Variants in CFAP44 observed in about 807,000 individuals in gnomAD.
CFAP44 encodes cilia- and flagella-associated protein 44.
Under a neutral mutation model 216.2 loss-of-function variants are expected in CFAP44, and 134 were observed. The observed-to-expected ratio is 0.62, with a 90% CI of 0.54 to 0.72. The LOEUF (loss-of-function observed/expected upper bound fraction) is 0.72, where lower values mean the gene tolerates loss of function less well. Among genes scored for constraint, CFAP44 ranks in the 30% least tolerant of loss-of-function variants. The pLI is 0.00. For synonymous variants in CFAP44, 700 were observed against 727.6 expected (o/e 0.96, Z 0.61); for missense variants, 2,035 against 2,182.1 (o/e 0.93, Z 1.34).
intron 28 of CFAP44, among the ~76,000 whole-genome samples, chr3:113,326,126 A>T (rs1435272580): frequency 1.3e-5 from 2 of 152,252 alleles, no homozygotes; most frequent in Non-Finnish European, 2.9e-5. Context: ...GGGCAAAAGG[A>T]GACATTTCAC....
rs984247162 is a variant in CFAP44 at position 113,365,960 on chromosome 3, A to G, written c.2715+79T>C. The G allele has an allele frequency of 6.2e-6, 9 of 1,457,448 alleles. No individual in the cohort carries two copies. The South Asian group carries it at 9.9e-5, about 16-fold the overall frequency. 90.3% of individuals were successfully genotyped at this position (1,457,448 alleles called of 1,614,324 possible). Reference sequence around the variant, plus strand: ...AATGTGTCTAAATAACTTTTAATTTATAACGAATATGAACAATTTTAATAT... The same window carrying G: ...AATGTGTCTAAATAACTTTTAATTTGTAACGAATATGAACAATTTTAATAT... On this transcript the variant is annotated intron_variant, in intron 19 of 34. Coordinates refer to ENST00000393845, the MANE Select transcript of CFAP44 (RefSeq NM_001164496.2).
At chr3:113,380,871 AAG>A (rs754977408) in intron 16 of CFAP44, 26 bp downstream of exon 16, 63 of 1,499,420 alleles carry the variant, frequency 4.2e-5, no homozygotes, top group Non-Finnish European at 4.9e-5. Flanking sequence ...AAATTATTAT[AAG>A]ATAATGCTTC....
At chr3:113,410,857 G>T (rs925746124) in intron 6 of CFAP44, among the ~76,000 whole-genome samples, 1 of 152,156 alleles carries the variant, frequency 6.6e-6, no homozygotes, top group African/African-American at 2.4e-5. Context: ...GTGTGAGATG[G>T]TATCTCATTG....
chr3:113,384,328 G>A (rs1933592716), intron 15 of CFAP44, among the ~76,000 whole-genome samples: 1 of 151,964 alleles, frequency 6.6e-6, no homozygotes, highest in African/African-American at 2.4e-5. Context: ...CAAAGTGCTG[G>A]GATTACAGGT....
chr3:113,353,498 A>ACACACAC (rs59723453), intron 22 of CFAP44, among the ~76,000 whole-genome samples: 1 of 145,336 alleles, frequency 6.9e-6, no homozygotes, highest in African/African-American at 2.6e-5. Flanking sequence ...ACACACACAC[A>ACACACAC]AAACTTATAT....
chr3:113,370,318 A>G (rs7640376), intron 18 of CFAP44, among the ~76,000 whole-genome samples: 12,620 of 152,188 alleles, frequency 0.083, 638 homozygotes, highest in East Asian at 0.15. Flanking sequence ...GAACATAGAC[A>G]CAAAAATCTT....
intron 19 of CFAP44, among the ~76,000 whole-genome samples, chr3:113,364,645 G>A (rs1341743153): frequency 1.3e-5 from 2 of 152,140 alleles, no homozygotes; most frequent in African/African-American, 2.4e-5. Context: ...CCTGGTCACA[G>A]TTGTTTCCAA....
chr3:113,339,091 T>C (rs1950307715), intron 24 of CFAP44, among the ~76,000 whole-genome samples: 1 of 152,202 alleles, frequency 6.6e-6, no homozygotes, highest in South Asian at 2.1e-4. Context: ...AGACCATCTG[T>C]CCTCACATCC....
chr3:113,320,528 TTATATATGTATATATATAATGAAGTTA>T lies in CFAP44; in HGVS notation c.4516+5890_4516+5916del, dbSNP rs1346544620. ...TCTAGATATACAGTACTTAATGAAGTTATATATGTATATATATAATGAAGTTATATATATGTATATATAATGAAGTTA... is the reference window on the plus strand; with the variant it reads ...TCTAGATATACAGTACTTAATGAAGTTATATATGTATATATAATGAAGTTA... On this transcript the variant is annotated intron_variant, in intron 28 of 34. Coordinates refer to ENST00000393845, the MANE Select transcript of CFAP44 (RefSeq NM_001164496.2). Among the ~76,000 whole-genome samples the T allele has an allele frequency of 5.2e-5, 7 of 134,912 alleles. No individual in the cohort carries two copies. In the East Asian group the frequency reaches 1.0e-3, roughly 20 times the overall value. The allele number at this position is 134,912 out of a possible 152,430, so 88.5% of individuals were successfully genotyped here.
chr3:113,393,174 T>C (rs187341603), intron 15 of CFAP44, among the ~76,000 whole-genome samples: 49 of 152,358 alleles, frequency 3.2e-4, no homozygotes, highest in African/African-American at 1.0e-3. Flanking sequence ...TTTGGACAAT[T>C]AAAGTCTGTA....
At chr3:113,343,173 C>T (rs1199482801) in intron 23 of CFAP44, among the ~76,000 whole-genome samples, 5 of 151,238 alleles carry the variant, frequency 3.3e-5, no homozygotes, top group African/African-American at 4.9e-5. Flanking sequence ...GTGATTCTCC[C>T]GCCACAGCCT....
chr3:113,364,070 T>C (rs1272343293), intron 19 of CFAP44, among the ~76,000 whole-genome samples: 1 of 152,088 alleles, frequency 6.6e-6, no homozygotes, highest in Non-Finnish European at 1.5e-5. Context: ...GAGAAAGATA[T>C]GAAATCAGAA....
chr3:113,294,604 C>G, intron 34 of CFAP44, 83 bp downstream of exon 34: 1 of 1,431,842 alleles, frequency 7.0e-7, no homozygotes, highest in Admixed American at 2.9e-5. Context: ...TGTTTAAATG[C>G]CAGTACTTAA....
intron 17 of CFAP44, among the ~76,000 whole-genome samples, chr3:113,374,792 G>A (rs962038142): frequency 2.6e-5 from 4 of 152,048 alleles, no homozygotes; most frequent in Non-Finnish European, 4.4e-5. Context: ...GAGCCACTCC[G>A]TCCACCTAAT....
intron 2 of CFAP44, among the ~76,000 whole-genome samples, chr3:113,430,126 T>C (rs978192372): frequency 6.6e-6 from 1 of 152,030 alleles, no homozygotes; most frequent in Non-Finnish European, 1.5e-5. Flanking sequence ...AATAGATATG[T>C]TCTCTGAAAA....
At chr3:113,401,884 C>G in intron 9 of CFAP44, 145 bp from the exon 10 acceptor site, 1 of 801,442 alleles carries the variant, frequency 1.2e-6, no homozygotes, top group Non-Finnish European at 1.9e-6. Flanking sequence ...GATAAGAACA[C>G]CAGCCAAAAC....
intron 28 of CFAP44, among the ~76,000 whole-genome samples, chr3:113,311,057 G>A (rs1950033152): frequency 6.6e-6 from 1 of 151,914 alleles, no homozygotes; most frequent in African/African-American, 2.4e-5. Flanking sequence ...CCAACTGAGT[G>A]AAAAAAGAAA....
chr3:113,434,232 T>A (rs528005313), intron 1 of CFAP44, among the ~76,000 whole-genome samples: 1 of 152,190 alleles, frequency 6.6e-6, no homozygotes, highest in Non-Finnish European at 1.5e-5. Context: ...AATGGTACTG[T>A]GGGCATGTAT....
rs1399664204 is a variant in CFAP44 at position 113,290,876 on chromosome 3, G to A, written c.*681C>T. The A allele has an allele frequency of 6.6e-6, 1 of 152,156 alleles. No homozygotes were observed. The highest frequency in any genetic ancestry group is 6.5e-5 in the Admixed American group (1 of 15,280). 9.4% of individuals were successfully genotyped at this position (152,156 alleles called of 1,614,324 possible). ...GCCTCTTTATTGACTGTTTTATTAA[G>A]CATGCCCCTCTGCTCCACTCAGAAC... is the stretch of plus-strand genomic sequence containing the variant. On this transcript the variant is annotated 3_prime_UTR_variant, in exon 35 of 35. Coordinates refer to ENST00000393845, the MANE Select transcript of CFAP44 (RefSeq NM_001164496.2).
Sources: gnomAD v4.1 joint callset for allele counts (sites outside exome capture counted in the v4.1 genomes callset) on GRCh38, gnomAD v4.1.1 for gene constraint, MANE v1.5 for transcripts, NCBI Gene and HGNC (gene_info 2026-07-23, HGNC 2026-07-21) for gene names.